Variants in NELL2 observed in about 807,000 individuals in gnomAD.
NELL2 encodes the protein protein kinase C-binding protein NELL2.
In NELL2, 41 loss-of-function variants were observed where a neutral mutation model predicts 109.6. The observed-to-expected ratio is 0.37, with a 90% CI of 0.29 to 0.49. The LOEUF (loss-of-function observed/expected upper bound fraction) is 0.49. NELL2 is among the 20% of genes least tolerant of loss of function. The pLI, the probability that NELL2 is intolerant of heterozygous loss-of-function variation, is 0.98. For missense variants in NELL2, 900 were observed against 1,008.3 expected, an observed-to-expected ratio of 0.89 and a Z score of 1.45; for synonymous variants, 355 against 344.7, an observed-to-expected ratio of 1.03 and a Z score of -0.33.
intron 15 of NELL2, among the ~76,000 whole-genome samples, chr12:44,599,976 T>C (rs77298149): frequency 6.8e-6 from 1 of 148,092 alleles, no homozygotes; most frequent in South Asian, 2.2e-4. Context: ...TTTTTTTTTT[T>C]TTTGAGATGG....
intron 15 of NELL2, among the ~76,000 whole-genome samples, chr12:44,544,582 T>A (rs1036070316): frequency 2.0e-5 from 3 of 152,146 alleles, no homozygotes; most frequent in African/African-American, 7.2e-5. Context: ...GTCAGGTGAC[T>A]ATTTCTTTTC....
intron 1 of NELL2, among the ~76,000 whole-genome samples, chr12:44,890,048 T>C (rs1391195436): frequency 6.6e-6 from 1 of 152,210 alleles, no homozygotes; most frequent in Admixed American, 6.5e-5. Context: ...GGGATCCAGA[T>C]TCAGCATTAG....
chr12:44,533,335 C>G (rs1384122508), intron 15 of NELL2, among the ~76,000 whole-genome samples: 1 of 152,108 alleles, frequency 6.6e-6, no homozygotes, highest in Non-Finnish European at 1.5e-5. Context: ...ATTCATGCAT[C>G]AACATGCTTC....
chr12:44,875,656 GA>G (rs11373833), intron 1 of NELL2, 158 bp downstream of exon 1: 29,476 of 1,039,688 alleles, frequency 0.028, 5 homozygotes, highest in South Asian at 0.049. Flanking sequence ...GGCAAGCACA[GA>G]AAAAAAAAAA....
In NELL2 at chr12:44,713,177, T is replaced by TACAC. The variant is rs35017907; in HGVS notation, c.1086+1469_1086+1472dup. Among the ~76,000 whole-genome samples the TACAC allele has an allele frequency of 5.9e-3, 842 of 142,000 alleles. 2 individuals are homozygous for TACAC. The highest frequency in any genetic ancestry group is 0.014 in the East Asian group (67 of 4,740). 93.2% of individuals were successfully genotyped at this position (142,000 alleles called of 152,430 possible). On this transcript the variant is annotated intron_variant, in intron 10 of 19. Transcript: ENST00000429094. The stretch of plus-strand genomic sequence containing the variant: ...ACACATTCTGGTAAAATGAATAGGA[T>TACAC]ACACACACACACACACACACACACA...
In NELL2 at chr12:44,872,929, T is replaced by A. The variant is rs140633618; in HGVS notation, c.184+2296A>T. 5.3e-4 allele frequency among the ~76,000 whole-genome samples: 80 copies of A among 152,282 alleles called. 2 individuals are homozygous for A. In the East Asian group the frequency reaches 0.013, roughly 24 times the overall value. On this transcript the variant is annotated intron_variant, in intron 2 of 19. Transcript: ENST00000429094. ...TCTCTAAAGCCAAAGGAAATCTCAA[T>A]GAAGCAGCAAGACTCGGAACTGACT...
chr12:44,738,727 T>C (rs1371765115), intron 9 of NELL2, among the ~76,000 whole-genome samples: 1 of 152,154 alleles, frequency 6.6e-6, no homozygotes, highest in East Asian at 1.9e-4. Context: ...GATGAATAAG[T>C]TCTGGAGATC....
chr12:44,555,305 C>G (rs1319323128), intron 15 of NELL2, among the ~76,000 whole-genome samples: 1 of 152,198 alleles, frequency 6.6e-6, no homozygotes, highest in African/African-American at 2.4e-5. Context: ...CATTATGCAT[C>G]TCCTAAAATA....
chr12:44,598,773 T>C (rs966229630), intron 15 of NELL2, among the ~76,000 whole-genome samples: 1 of 151,948 alleles, frequency 6.6e-6, no homozygotes, highest in Non-Finnish European at 1.5e-5. Context: ...AGAGTGAACC[T>C]GGTCTTATAG....
intron 1 of NELL2, among the ~76,000 whole-genome samples, chr12:44,895,060 A>T (rs1269792891): frequency 6.6e-6 from 1 of 152,142 alleles, no homozygotes; most frequent in Non-Finnish European, 1.5e-5. Flanking sequence ...ATTGTGTAGG[A>T]TTTAACACAT....
At chr12:44,626,219 A>G (rs1462356171) in intron 13 of NELL2, among the ~76,000 whole-genome samples, 1 of 152,152 alleles carries the variant, frequency 6.6e-6, no homozygotes, top group African/African-American at 2.4e-5. Context: ...TTATTTTCCC[A>G]TTTTGAATAA....
At chr12:44,514,843 T>C (rs1031570605) in intron 19 of NELL2, among the ~76,000 whole-genome samples, 26 of 151,376 alleles carry the variant, frequency 1.7e-4, no homozygotes, top group African/African-American at 5.8e-4. Flanking sequence ...ATATTACTGT[T>C]TTAGCACAAA....
Position 44,532,563 on chromosome 12 carries a change from T to A in NELL2, c.1804+18A>T. 3 of 1,604,114 alleles carry A rather than the reference T, an allele frequency of 1.9e-6. No individual in the cohort carries two copies. In the South Asian group the frequency reaches 3.4e-5, roughly 18 times the overall value. On this transcript the variant is annotated intron_variant, in intron 16 of 19. Coordinates refer to ENST00000429094, the MANE Select transcript of NELL2 (RefSeq NM_001145108.2). ...TCAAGAGAAGTTCTTAAATTCTAGG[T>A]CTTCTCCTTGTACTGACCTTCACAC...
intron 2 of NELL2, 188 bp downstream of exon 2, chr12:44,875,036 AG>A (rs1945272393): frequency 1.5e-6 from 1 of 665,780 alleles, no homozygotes; most frequent in South Asian, 2.3e-5. Flanking sequence ...ACGAAGGAGA[AG>A]GGTGAGGCAG....
intron 11 of NELL2, 108 bp downstream of exon 11, chr12:44,711,184 T>C (rs1938177558): frequency 2.6e-6 from 2 of 758,196 alleles, no homozygotes. Flanking sequence ...GGAAATACTA[T>C]TAGTCTATGG....
At chr12:44,813,968 C>A (rs1943256552) in intron 3 of NELL2, among the ~76,000 whole-genome samples, 1 of 152,154 alleles carries the variant, frequency 6.6e-6, no homozygotes, top group Non-Finnish European at 1.5e-5. Flanking sequence ...CTTAAAAAAA[C>A]ATTAAACTAT....
chr12:44,708,254 A>G (rs887802708), intron 11 of NELL2, among the ~76,000 whole-genome samples: 2 of 152,204 alleles, frequency 1.3e-5, no homozygotes, highest in Admixed American at 6.5e-5. Flanking sequence ...ATCTGCTACT[A>G]CAGAAGATGG....
chr12:44,715,510 T>C (rs1203102541), intron 9 of NELL2, among the ~76,000 whole-genome samples: 6 of 152,008 alleles, frequency 3.9e-5, no homozygotes, highest in Non-Finnish European at 7.4e-5. Flanking sequence ...CTACACTGAC[T>C]CATCACCTAA....
At chr12:44,913,990 A>G (rs763784442), upstream of NELL2, 11 of 322,484 alleles carry the variant, frequency 3.4e-5, no homozygotes, top group Non-Finnish European at 5.9e-5. Flanking sequence ...ATTGCTCAGT[A>G]CATCCTGCCT....
Sources: gnomAD v4.1 joint callset for allele counts (sites outside exome capture counted in the v4.1 genomes callset) on GRCh38, gnomAD v4.1.1 for gene constraint, MANE v1.5 for transcripts, NCBI Gene and HGNC (gene_info 2026-07-23, HGNC 2026-07-21) for gene names.